The following SUGP2 variants were observed in gnomAD, a reference collection of about 807,000 sequenced individuals.
SUGP2 encodes the protein SURP and G-patch domain containing 2.
SUGP2 carries 24 observed loss-of-function variants against 90.5 expected under a neutral mutation model. The observed-to-expected ratio is 0.27, with a 90% CI of 0.19 to 0.37. SUGP2 has a LOEUF of 0.37. SUGP2 is among the 10% of genes least tolerant of loss of function. The pLI is 1.00. For synonymous variants in SUGP2, 473 were observed against 513.4 expected (o/e 0.92, Z 1.06); for missense variants, 1,233 against 1,363.3 (o/e 0.90, Z 1.51).
intron 6 of SUGP2, 23 bp from the exon 7 acceptor site, chr19:19,004,669 T>G (rs762543880): frequency 6.5e-7 from 1 of 1,534,162 alleles, no homozygotes; most frequent in South Asian, 1.2e-5. Context: ...GGAAATACAT[T>G]GGGTAACCAG....
intron 2 of SUGP2, among the ~76,000 whole-genome samples, chr19:19,030,740 T>G (rs1158823714): frequency 6.6e-6 from 1 of 152,030 alleles, no homozygotes; most frequent in African/African-American, 2.4e-5. Flanking sequence ...GAGCTAAAAC[T>G]GCGCCACTGC....
intron 4 of SUGP2, among the ~76,000 whole-genome samples, chr19:19,017,023 A>G (rs538179766): frequency 3.3e-5 from 5 of 152,204 alleles, no homozygotes; most frequent in African/African-American, 1.2e-4. Context: ...ATGGAAATGT[A>G]TGCCTTTCAA....
intron 6 of SUGP2, among the ~76,000 whole-genome samples, chr19:19,007,637 G>C (rs1042341491): frequency 6.6e-6 from 1 of 150,638 alleles, no homozygotes; most frequent in Non-Finnish European, 1.5e-5. Flanking sequence ...TTTATTTTTA[G>C]TATAGAGACG....
In SUGP2 at chr19:19,025,820, G is replaced by C; in HGVS notation, c.528C>G (p.Ser176=). Residue 176 remains serine (S), a synonymous_variant, in exon 3 of 11, where the codon TCC becomes TCG. Transcript: ENST00000452918. The part of the protein sequence containing the change: ...PSAVLGDFGS[S]RLIEKECLEK... ...CCAAACACTCTTTCTCAATCAGCCT[G>C]GAAGATCCAAAGTCCCCCAAAACTG... 6.2e-7 allele frequency: 1 copy of C among 1,614,024 alleles called. No individual in the cohort carries two copies. Among genetic ancestry groups the C allele is most frequent in the East Asian group, 2.2e-5 (1 of 44,884 alleles).
Position 19,019,714 on chromosome 19 carries a change from G to C in SUGP2, c.1730-485C>G, listed in dbSNP as rs960525152. ...ATATGTTAGGAAATATGTTAACAGA[G>C]GTTATAGGGGGTAGAATTATCAGGA... On this transcript the variant is annotated intron_variant, in intron 3 of 10. Transcript: ENST00000452918. 2.6e-5 allele frequency among the ~76,000 whole-genome samples: 4 copies of C among 150,954 alleles called. No individual in the cohort carries two copies. The East Asian group carries it at 7.8e-4, about 29-fold the overall frequency.
intron 7 of SUGP2, 113 bp from the exon 8 acceptor site, chr19:19,001,787 G>T: frequency 9.4e-7 from 1 of 1,062,068 alleles, no homozygotes; most frequent in Non-Finnish European, 1.4e-6. Context: ...GACAGAAGGT[G>T]TCTTAGGCTC....
At position 19,024,883 on chromosome 19, in the gene SUGP2, A is replaced by T; in HGVS notation, c.1465T>A (p.Leu489Met). 1 of 1,614,224 alleles carries T rather than the reference A, an allele frequency of 6.2e-7. No individual in the cohort carries two copies. ...SLALLGQTFS[L>M]ASSFRQEKIL... Reference sequence around the variant, plus strand: ...TTCTCCTGCCGGAAAGAAGAGGCCAAGGAAAATGTCTGTCCCAAAAGGGCC... The same window carrying T: ...TTCTCCTGCCGGAAAGAAGAGGCCATGGAAAATGTCTGTCCCAAAAGGGCC... The change falls in exon 3 of 11, where the codon TTG becomes ATG. Residue 489 changes from leucine to methionine, a missense_variant. Physicochemically the swap from Leu to Met is conservative, Grantham distance 15 (BLOSUM62 2). Coordinates refer to ENST00000452918, the MANE Select transcript of SUGP2 (RefSeq NM_001017392.5).
Position 19,025,784 on chromosome 19 carries a change from A to T in SUGP2, c.564T>A (p.Ser188Arg), listed in dbSNP as rs985530572. ...CAGGATGGTCCACGTCATAATCCCG[A>T]CTCTCCTTCTCCAAACACTCTTTCT... Reference protein sequence around the residue: ...LIEKECLEKESRDYDVDHPGE... With the variant: ...LIEKECLEKERRDYDVDHPGE... The change falls in exon 3 of 11, where the codon AGT (serine) becomes AGA (arginine). Residue 188 changes from serine (S) to arginine (R), a missense_variant. Ser to Arg is a moderately radical substitution (Grantham distance 110, BLOSUM62 -1). Around this residue, in one of 8 missense-constraint regions of SUGP2, gnomAD observed 418 missense variants for 399.9 expected, o/e 1.05. Transcript: ENST00000452918. 6.2e-7 allele frequency: 1 copy of T among 1,612,584 alleles called. No individual in the cohort carries two copies. Among genetic ancestry groups the T allele is most frequent in the Non-Finnish European group, 8.5e-7 (1 of 1,179,628 alleles).
At chr19:19,013,660 T>C (rs994094816) in intron 4 of SUGP2, among the ~76,000 whole-genome samples, 1 of 152,184 alleles carries the variant, frequency 6.6e-6, no homozygotes, top group Non-Finnish European at 1.5e-5. Flanking sequence ...ATTATTTAGA[T>C]TTTATGTTAA....
rs145960604 is a variant in SUGP2 at position 19,027,149 on chromosome 19, C to T, written c.122-923G>A. Reference sequence around the variant, plus strand: ...AAAAAAGGGCGGAGGGGAAGATGTACTTGCATTTGCTTAATCACACATGGA... The same window carrying T: ...AAAAAAGGGCGGAGGGGAAGATGTATTTGCATTTGCTTAATCACACATGGA... On this transcript the variant is annotated intron_variant, in intron 2 of 10. Coordinates refer to ENST00000452918, the MANE Select transcript of SUGP2 (RefSeq NM_001017392.5). 1.6e-3 allele frequency among the ~76,000 whole-genome samples: 249 copies of T among 152,274 alleles called. 3 individuals carry two copies. The highest frequency in any genetic ancestry group is 0.011 in the South Asian group (53 of 4,828).
intron 5 of SUGP2, 47 bp downstream of exon 5, chr19:19,009,808 G>A: frequency 1.3e-6 from 2 of 1,546,724 alleles, no homozygotes; most frequent in South Asian, 1.2e-5. Flanking sequence ...GGAGATGGGA[G>A]AGTAGGGACT....
Position 19,024,725 on chromosome 19 carries a change from G to A in SUGP2, c.1623C>T (p.Pro541=), listed in dbSNP as rs758462596. 26 of 1,614,038 alleles carry A rather than the reference G, an allele frequency of 1.6e-5. No individual in the cohort carries two copies. Among genetic ancestry groups the A allele is most frequent in the Non-Finnish European group, 1.9e-5 (23 of 1,180,052 alleles). Residue 541 remains proline, a synonymous_variant, in exon 3 of 11, where the codon CCC becomes CCT. Transcript: ENST00000452918. ...CTGGTTCGGCTTTCTTAACCTGGAG[G>A]GGACATCCGCTGCTGACTAGCCAGG... The part of the protein sequence containing the change: ...LKAWLVSSGC[P]LQVKKAEPEP...
rs148151679 is a variant in SUGP2, at chr19:19,025,707, C to T, written c.641G>A (p.Arg214Gln). The T allele has an allele frequency of 2.3e-4, 374 of 1,613,816 alleles. No homozygotes were observed. Among genetic ancestry groups the T allele is most frequent in the Non-Finnish European group, 2.6e-4 (308 of 1,179,940 alleles). The change falls in exon 3 of 11, where the codon CGA becomes CAA. Residue 214 changes from arginine to glutamine, a missense_variant. Arg to Gln is a conservative substitution (Grantham distance 43). Transcript: ENST00000452918. ...RGGSQVQARG[R>Q]ALNIVDQEGS... ...TTCCTGGTCAACGATGTTTAGAGCT[C>T]GACCTCTGGCCTGGACTTGACTGCC...
In SUGP2 at chr19:19,028,398, G is replaced by C. The variant is rs147900036; in HGVS notation, c.122-2172C>G. Among the ~76,000 whole-genome samples the C allele has an allele frequency of 4.1e-4, 62 of 152,286 alleles. 1 individual carries two copies. The East Asian group carries it at 7.7e-3, about 19-fold the overall frequency. ...ATGATCTCACTGGCTGCTGCACAGGGAACAGATTAAAGGAGATGAGCACAG... is the reference window on the plus strand; with the variant it reads ...ATGATCTCACTGGCTGCTGCACAGGCAACAGATTAAAGGAGATGAGCACAG... On this transcript the variant is annotated intron_variant, in intron 2 of 10. Coordinates refer to ENST00000452918, the MANE Select transcript of SUGP2 (RefSeq NM_001017392.5).
At chr19:19,005,148 C>G (rs1426921066) in intron 6 of SUGP2, among the ~76,000 whole-genome samples, 1 of 152,208 alleles carries the variant, frequency 6.6e-6, no homozygotes, top group Non-Finnish European at 1.5e-5. Flanking sequence ...GCTCTGGGGC[C>G]TGCAGTCCAC....
chr19:19,001,652 G>C lies in SUGP2; in HGVS notation c.2952C>G (p.Ala984=), dbSNP rs140453225. The C allele has an allele frequency of 1.9e-6, 3 of 1,614,214 alleles. No individual in the cohort carries two copies. The South Asian group carries it at 3.3e-5, about 18-fold the overall frequency. Residue 984 remains alanine (A), a synonymous_variant, in exon 8 of 11, where the codon GCC becomes GCG. Transcript: ENST00000452918. ...TGGGACGACCCCGAGGCCTGTCATA[G>C]GCAATTCGAACTGGTTCATGGACTA... ...EPKVHEPVRI[A]YDRPRGRPMS...
In SUGP2 at chr19:19,024,937, T is replaced by C. The variant is rs769034292; in HGVS notation, c.1411A>G (p.Thr471Ala). ...NPLDLALALE[T>A]TNSLCRKSLA... ...GACTTCCGGCAGAGAGAGTTGGTGG[T>C]TTCTAGGGCAAGAGCCAAGTCCAGG... Residue 471 changes from threonine (T) to alanine (A), a missense_variant, in exon 3 of 11, where the codon ACC becomes GCC. Thr to Ala is a moderately conservative substitution (Grantham distance 58). Coordinates refer to ENST00000452918, the MANE Select transcript of SUGP2 (RefSeq NM_001017392.5). 2.5e-6 allele frequency: 4 copies of C among 1,614,124 alleles called. No individual in the cohort carries two copies. In the South Asian group the frequency reaches 4.4e-5, roughly 18 times the overall value.
chr19:19,008,225 G>A (rs541458799), intron 6 of SUGP2, 92 bp downstream of exon 6: 4 of 1,085,466 alleles, frequency 3.7e-6, no homozygotes, highest in South Asian at 1.3e-5. Flanking sequence ...GATCACTTGA[G>A]CCCAGGAATT....
At chr19:19,022,889 T>C (rs1011047892) in intron 3 of SUGP2, among the ~76,000 whole-genome samples, 1 of 152,100 alleles carries the variant, frequency 6.6e-6, no homozygotes, top group African/African-American at 2.4e-5. Context: ...GCCACTGGAC[T>C]GGGGGCAATG....
Sources: gnomAD v4.1 joint callset for allele counts (sites outside exome capture counted in the v4.1 genomes callset) on GRCh38, gnomAD v4.1.1 for gene constraint, gnomAD v4.1.1 regional missense constraint, MANE v1.5 for transcripts, NCBI Gene and HGNC (gene_info 2026-07-23, HGNC 2026-07-21) for gene names.